Variants in LRMDA observed in about 807,000 individuals in gnomAD.
LRMDA encodes the protein leucine-rich melanocyte differentiation-associated protein.
Under a neutral mutation model 29.8 loss-of-function variants are expected in LRMDA, and 18 were observed. The ratio of observed to expected loss-of-function variants is 0.60; its 90% CI spans 0.42 to 0.90. The LOEUF (loss-of-function observed/expected upper bound fraction) is 0.90, where lower values mean the gene tolerates loss of function less well. Ranked by LOEUF, LRMDA falls within the 40% of genes least tolerant of loss-of-function variation. The pLI, the probability that LRMDA is intolerant of heterozygous loss-of-function variation, is 0.00. For missense variants in LRMDA, 273 were observed against 273.9 expected, an observed-to-expected ratio of 1.00 and a Z score of 0.02; for synonymous variants, 125 against 109.4, an observed-to-expected ratio of 1.14 and a Z score of -0.89.
At chr10:76,248,513 G>A (rs898514086) in intron 5 of LRMDA, among the ~76,000 whole-genome samples, 3 of 152,156 alleles carry the variant, frequency 2.0e-5, no homozygotes, top group Admixed American at 6.5e-5. Context: ...GTTGGATAAA[G>A]ATGATTTTCT....
At chr10:75,501,966 G>C (rs1845118836) in intron 2 of LRMDA, among the ~76,000 whole-genome samples, 1 of 152,130 alleles carries the variant, frequency 6.6e-6, no homozygotes, top group South Asian at 2.1e-4. Flanking sequence ...GCCTGTTTGT[G>C]CTGTCTTAAA....
At chr10:76,466,938 A>G (rs963875061) in intron 6 of LRMDA, among the ~76,000 whole-genome samples, 1 of 152,228 alleles carries the variant, frequency 6.6e-6, no homozygotes, top group Non-Finnish European at 1.5e-5. Flanking sequence ...CAGCACATGA[A>G]TTCTAATGGC....
intron 2 of LRMDA, among the ~76,000 whole-genome samples, chr10:75,735,047 C>T (rs529249826): frequency 5.3e-5 from 8 of 152,272 alleles, no homozygotes; most frequent in South Asian, 4.2e-4. Flanking sequence ...GGCTACCTCA[C>T]GCTGAAATAT....
chr10:75,978,763 T>G (rs191207029), intron 2 of LRMDA, among the ~76,000 whole-genome samples: 3 of 152,254 alleles, frequency 2.0e-5, no homozygotes, highest in Admixed American at 6.5e-5. Context: ...TCTTATAATT[T>G]TTTGTATGCA....
intron 2 of LRMDA, among the ~76,000 whole-genome samples, chr10:75,997,500 G>T (rs1847490468): frequency 6.7e-6 from 1 of 148,360 alleles, no homozygotes; most frequent in Non-Finnish European, 1.5e-5. Flanking sequence ...ACACAGCTCT[G>T]ATTATATCCT....
intron 2 of LRMDA, among the ~76,000 whole-genome samples, chr10:75,565,281 G>T (rs1026671828): frequency 6.6e-6 from 1 of 152,160 alleles, no homozygotes; most frequent in African/African-American, 2.4e-5. Context: ...TTTAAGAATA[G>T]AGTTTCCATT....
rs1221480959 is a variant in LRMDA, at chr10:75,846,655, A to T, written c.132-189353A>T. Among the ~76,000 whole-genome samples the T allele has an allele frequency of 3.3e-5, 5 of 152,320 alleles. No individual in the cohort carries two copies. In the East Asian group the frequency reaches 9.6e-4, roughly 29 times the overall value. On this transcript the variant is annotated intron_variant, in intron 2 of 6. Transcript: ENST00000611255. ...GAGCTTCAAATGTTATGTGCAAAGC[A>T]CCATATTAAGTGTGGAGTGTAGGCA...
intron 6 of LRMDA, among the ~76,000 whole-genome samples, chr10:76,420,820 G>C: frequency 6.6e-6 from 1 of 152,000 alleles, no homozygotes. Flanking sequence ...CAGCACTTAA[G>C]TGTTTCTTAG....
intron 5 of LRMDA, among the ~76,000 whole-genome samples, chr10:76,253,745 A>G (rs971591957): frequency 1.8e-4 from 27 of 152,184 alleles, no homozygotes; most frequent in African/African-American, 6.5e-4. Context: ...ATTTTTTCAA[A>G]TATTAGTAAC....
intron 2 of LRMDA, among the ~76,000 whole-genome samples, chr10:76,011,387 G>C (rs1164035741): frequency 6.6e-6 from 1 of 152,234 alleles, no homozygotes; most frequent in Non-Finnish European, 1.5e-5. Context: ...TGAATGCCAG[G>C]ATGAGGGGTG....
intron 2 of LRMDA, among the ~76,000 whole-genome samples, chr10:75,743,966 G>A (rs1018586179): frequency 6.6e-6 from 1 of 152,202 alleles, no homozygotes; most frequent in African/African-American, 2.4e-5. Flanking sequence ...TAAGCATTTT[G>A]TGATATTACT....
At chr10:75,639,128 C>A (rs1205986691) in intron 2 of LRMDA, among the ~76,000 whole-genome samples, 1 of 152,084 alleles carries the variant, frequency 6.6e-6, no homozygotes, top group Non-Finnish European at 1.5e-5. Flanking sequence ...CTAGAGAAAA[C>A]CATGAGAGTA....
intron 2 of LRMDA, among the ~76,000 whole-genome samples, chr10:75,508,032 G>T (rs1309309940): frequency 6.6e-6 from 1 of 152,174 alleles, no homozygotes; most frequent in East Asian, 1.9e-4. Context: ...AACGTATAGG[G>T]TTCGTAACTC....
At chr10:75,796,218 C>G (rs1843650177) in intron 2 of LRMDA, among the ~76,000 whole-genome samples, 1 of 152,104 alleles carries the variant, frequency 6.6e-6, no homozygotes, top group Non-Finnish European at 1.5e-5. Flanking sequence ...GGTTCCAGTA[C>G]AATGATGAAC....
At chr10:76,427,839 T>C (rs1451363063) in intron 6 of LRMDA, among the ~76,000 whole-genome samples, 1 of 152,226 alleles carries the variant, frequency 6.6e-6, no homozygotes, top group Admixed American at 6.5e-5. Context: ...GTCAAAGGCC[T>C]TTTCTGCATC....
chr10:76,220,265 A>G (rs566870653), intron 5 of LRMDA, among the ~76,000 whole-genome samples: 24 of 152,336 alleles, frequency 1.6e-4, no homozygotes, highest in African/African-American at 5.5e-4. Context: ...AATAACTAAG[A>G]TCAGAGCAGA....
At chr10:76,083,426 A>G (rs1849079196) in intron 5 of LRMDA, among the ~76,000 whole-genome samples, 1 of 152,174 alleles carries the variant, frequency 6.6e-6, no homozygotes, top group Non-Finnish European at 1.5e-5. Flanking sequence ...GTAACATGGC[A>G]TGCCCCCTCC....
chr10:75,460,166 G>T (rs1844568101), intron 2 of LRMDA, among the ~76,000 whole-genome samples: 1 of 152,144 alleles, frequency 6.6e-6, no homozygotes. Context: ...TCCCCTTAAA[G>T]TTCATCCTGT....
intron 2 of LRMDA, among the ~76,000 whole-genome samples, chr10:75,705,853 T>C (rs946898162): frequency 6.6e-6 from 1 of 151,538 alleles, no homozygotes. Context: ...ATTTTTTAAT[T>C]CATTTAGCTT....
Sources: allele counts gnomAD v4.1 joint callset (sites outside exome capture counted in the v4.1 genomes callset), GRCh38; gene constraint gnomAD v4.1.1; transcripts MANE v1.5; gene names NCBI Gene and HGNC (gene_info 2026-07-23, HGNC 2026-07-21).